Variants in OTUD7B observed in about 807,000 individuals in gnomAD.
The protein encoded by OTUD7B is OTU domain-containing protein 7B.
OTUD7B carries 34 observed loss-of-function variants against 82.2 expected under a neutral mutation model. That is an observed-to-expected ratio of 0.41 (90% CI 0.31 to 0.55). The LOEUF (loss-of-function observed/expected upper bound fraction) is 0.55, where lower values mean the gene tolerates loss of function less well. Ranked by LOEUF, OTUD7B falls within the 20% of genes least tolerant of loss-of-function variation. OTUD7B has a pLI of 0.20. For synonymous variants in OTUD7B, 398 were observed against 402.7 expected (o/e 0.99, Z 0.14); for missense variants, 944 against 1,062.1 (o/e 0.89, Z 1.55).
the OTUD7B span, among the ~76,000 whole-genome samples, chr1:150,050,077 TG>T: frequency 6.6e-6 from 1 of 151,828 alleles, no homozygotes; most frequent in African/African-American, 2.4e-5. Context: ...TCTCCAGGCA[TG>T]GTGTTACGTG....
At chr1:150,022,419 A>AAAG in the OTUD7B span, among the ~76,000 whole-genome samples, 2 of 9,314 alleles carry the variant, frequency 2.1e-4, 1 homozygote. Flanking sequence ...AAAAAAAAAA[A>AAAG]AAAATAACTA....
chr1:149,995,719 G>A (rs782344225), intron 1 of OTUD7B, among the ~76,000 whole-genome samples: 3 of 151,852 alleles, frequency 2.0e-5, no homozygotes, highest in South Asian at 2.1e-4. Flanking sequence ...TGCTTTCTAC[G>A]AGATAATGCT....
chr1:149,971,676 G>A (rs1649950404), intron 2 of OTUD7B, among the ~76,000 whole-genome samples: 1 of 152,150 alleles, frequency 6.6e-6, no homozygotes, highest in African/African-American at 2.4e-5. Flanking sequence ...ACTCTAGTGT[G>A]TCCTAAACCA....
chr1:149,944,087 G>C lies in OTUD7B; in HGVS notation c.2302C>G (p.Pro768Ala), dbSNP rs782317970. Reference sequence around the variant, plus strand: ...CTATAGGAATCAGCCACTCGGTAGGGGGGTGGTAACAAGGCACCCCTGTGA... The same window carrying C: ...CTATAGGAATCAGCCACTCGGTAGGCGGGTGGTAACAAGGCACCCCTGTGA... ...GLHRGALLPPPYRVADSYSNG... is the reference protein window; with the variant it reads ...GLHRGALLPPAYRVADSYSNG... Residue 768 changes from proline to alanine, a missense_variant, in exon 12 of 12, where the codon CCC becomes GCC. Transcript: ENST00000581312. 10 of 1,614,008 alleles carry C rather than the reference G, an allele frequency of 6.2e-6. No individual in the cohort carries two copies. The East Asian group carries it at 2.0e-4, about 32-fold the overall frequency.
At chr1:150,062,164 A>T in the OTUD7B span, among the ~76,000 whole-genome samples, 8 of 152,166 alleles carry the variant, frequency 5.3e-5, 1 homozygote, top group Admixed American at 5.2e-4. Context: ...GGGAGTTTCC[A>T]TGGAAGGAAG....
At chr1:149,981,838 A>T (rs1553779713) in intron 1 of OTUD7B, among the ~76,000 whole-genome samples, 1 of 152,222 alleles carries the variant, frequency 6.6e-6, no homozygotes, top group African/African-American at 2.4e-5. Flanking sequence ...AGTTAATATT[A>T]GTTAAGCACT....
chr1:150,023,163 GA>G, the OTUD7B span, among the ~76,000 whole-genome samples: 2 of 152,212 alleles, frequency 1.3e-5, no homozygotes, highest in Non-Finnish European at 2.9e-5. Flanking sequence ...AGAATATGGA[GA>G]AAAGGGGACC....
At chr1:149,945,670 G>A (rs906515393) in intron 11 of OTUD7B, among the ~76,000 whole-genome samples, 33 of 152,080 alleles carry the variant, frequency 2.2e-4, no homozygotes, top group Non-Finnish European at 1.8e-4. Context: ...AAGCTACTCC[G>A]TCTCCTAGTG....
the OTUD7B span, among the ~76,000 whole-genome samples, chr1:150,047,100 A>G: frequency 6.6e-6 from 1 of 151,868 alleles, no homozygotes; most frequent in East Asian, 1.9e-4. Flanking sequence ...TATCCTCACA[A>G]CTAGGTCCTA....
the OTUD7B span, among the ~76,000 whole-genome samples, chr1:150,050,193 C>CA: frequency 1.3e-4 from 18 of 137,220 alleles, no homozygotes; most frequent in East Asian, 2.1e-4. Context: ...GACCCTGTCT[C>CA]AAAAAAAAAA....
chr1:150,030,900 C>CAAAA, the OTUD7B span, among the ~76,000 whole-genome samples: 3 of 152,026 alleles, frequency 2.0e-5, no homozygotes, highest in East Asian at 5.8e-4. Context: ...TTTTGAGAGA[C>CAAAA]TTTTGCTCTT....
At chr1:150,013,661 G>A (rs960820335), upstream of OTUD7B, among the ~76,000 whole-genome samples, 3 of 151,754 alleles carry the variant, frequency 2.0e-5, no homozygotes, top group Non-Finnish European at 4.4e-5. Flanking sequence ...AGTGGCTCAC[G>A]CTTGTAATAC....
intron 1 of OTUD7B, among the ~76,000 whole-genome samples, chr1:149,984,147 A>G (rs1333207586): frequency 6.6e-6 from 1 of 152,034 alleles, no homozygotes; most frequent in African/African-American, 2.4e-5. Flanking sequence ...CTTCTGAGCT[A>G]CTATCCCATA....
At chr1:150,003,963 C>A (rs587727082) in intron 1 of OTUD7B, among the ~76,000 whole-genome samples, 1 of 152,254 alleles carries the variant, frequency 6.6e-6, no homozygotes, top group African/African-American at 2.4e-5. Flanking sequence ...CATATTTCCC[C>A]AAAATGAGGA....
At chr1:149,987,629 C>T (rs73011913) in intron 1 of OTUD7B, among the ~76,000 whole-genome samples, 3,190 of 152,266 alleles carry the variant, frequency 0.021, 91 homozygotes, top group African/African-American at 0.07. Flanking sequence ...TCCACTGGTG[C>T]CCAACATAGC....
In OTUD7B at chr1:149,967,331, G is replaced by A. The variant is rs781847566; in HGVS notation, c.465C>T (p.Leu155=). Residue 155 remains leucine, a synonymous_variant, in exon 4 of 12, where the codon CTC becomes CTT. Coordinates refer to ENST00000581312, the MANE Select transcript of OTUD7B (RefSeq NM_020205.4). ...AGGCAACCAGCATGGACTGCTCAAT[G>A]AGGTCTCTCTCTATGAAGCTGCGGA... The part of the protein sequence containing the change: ...EDFRSFIERD[L]IEQSMLVALE... 8.1e-6 allele frequency: 13 copies of A among 1,614,082 alleles called. No individual in the cohort carries two copies. The highest frequency in any genetic ancestry group is 1.0e-5 in the Non-Finnish European group (12 of 1,179,984).
intron 7 of OTUD7B, among the ~76,000 whole-genome samples, chr1:149,952,931 T>C (rs1362045412): frequency 1.3e-5 from 2 of 152,248 alleles, no homozygotes; most frequent in African/African-American, 4.8e-5. Flanking sequence ...AAGTTCTTTG[T>C]AGATTCTGGA....
chr1:150,013,177 C>A (rs1653150733), upstream of OTUD7B, among the ~76,000 whole-genome samples: 1 of 152,214 alleles, frequency 6.6e-6, no homozygotes, highest in Non-Finnish European at 1.5e-5. Context: ...CAGGGCCACA[C>A]ACCCTCAACT....
Position 149,944,363 on chromosome 1 carries a change from G to A in OTUD7B, c.2026C>T (p.Pro676Ser). 3.1e-6 allele frequency: 5 copies of A among 1,613,786 alleles called. No homozygotes were observed. Among genetic ancestry groups the A allele is most frequent in the Admixed American group, 3.3e-5 (2 of 60,004 alleles). ...KPEPDAREEQPTGPPAESRAM... is the reference protein window; with the variant it reads ...KPEPDAREEQSTGPPAESRAM... ...CTGGACTCTGCTGGGGGACCGGTCG[G>A]CTGCTCTTCCCTAGCATCTGGCTCT... is the stretch of plus-strand genomic sequence containing the variant. Residue 676 changes from proline to serine, a missense_variant, in exon 12 of 12, where the codon CCG (proline) becomes TCG (serine). Around this residue, in one of 3 missense-constraint regions of OTUD7B, gnomAD observed 412 missense variants for 418.7 expected, o/e 0.98. Coordinates refer to ENST00000581312, the MANE Select transcript of OTUD7B (RefSeq NM_020205.4).
Sources: gnomAD v4.1 joint callset for allele counts (sites outside exome capture counted in the v4.1 genomes callset) on GRCh38, gnomAD v4.1.1 for gene constraint, gnomAD v4.1.1 regional missense constraint, MANE v1.5 for transcripts, NCBI Gene and HGNC (gene_info 2026-07-23, HGNC 2026-07-21) for gene names.